Variants in MAST3 observed in about 807,000 individuals in gnomAD.
The protein encoded by MAST3 is microtubule-associated serine/threonine-protein kinase 3.
A neutral mutation model predicts 127.0 loss-of-function variants in MAST3; 43 were observed. That is an observed-to-expected ratio of 0.34 (90% CI 0.27 to 0.44). The LOEUF (loss-of-function observed/expected upper bound fraction) is 0.44, where lower values mean the gene tolerates loss of function less well. Among genes scored for constraint, MAST3 ranks in the 20% least tolerant of loss-of-function variants. The pLI, the probability that MAST3 is intolerant of heterozygous loss-of-function variation, is 1.00. For synonymous variants in MAST3, 785 were observed against 809.2 expected, an observed-to-expected ratio of 0.97 and a Z score of 0.51; for missense variants, 1,390 against 1,919.1, an observed-to-expected ratio of 0.72 and a Z score of 5.15.
intron 1 of MAST3, among the ~76,000 whole-genome samples, chr19:18,103,453 G>A (rs1282250323): frequency 2.0e-5 from 3 of 152,064 alleles, no homozygotes; most frequent in South Asian, 2.1e-4. Flanking sequence ...CAGAAGAATC[G>A]CTTGAACCCA....
At chr19:18,109,611 A>C (rs952491023) in intron 2 of MAST3, among the ~76,000 whole-genome samples, 7 of 151,918 alleles carry the variant, frequency 4.6e-5, no homozygotes, top group African/African-American at 1.7e-4. Flanking sequence ...GAGAGGGAGG[A>C]AGGACAGAGC....
chr19:18,130,070 C>T (rs2041103828), intron 13 of MAST3, among the ~76,000 whole-genome samples: 2 of 151,970 alleles, frequency 1.3e-5, no homozygotes, highest in Non-Finnish European at 2.9e-5. Flanking sequence ...CACAACATAG[C>T]GAGACCCCAT....
At chr19:18,114,614 G>A (rs2039011462) in intron 3 of MAST3, among the ~76,000 whole-genome samples, 1 of 152,196 alleles carries the variant, frequency 6.6e-6, no homozygotes, top group Non-Finnish European at 1.5e-5. Context: ...ACTCAGGGCA[G>A]GCCCAGGGTG....
chr19:18,102,385 G>C (rs1196878116), intron 1 of MAST3, among the ~76,000 whole-genome samples: 1 of 151,060 alleles, frequency 6.6e-6, no homozygotes, highest in Non-Finnish European at 1.5e-5. Context: ...CTCCATGTTG[G>C]TCAGGCTGGT....
In MAST3 at chr19:18,124,250, A is replaced by G; in HGVS notation, c.844-15A>G. The G allele has an allele frequency of 6.3e-7, 1 of 1,598,524 alleles. No homozygotes were observed. Among genetic ancestry groups the G allele is most frequent in the Non-Finnish European group, 8.5e-7 (1 of 1,172,392 alleles). On this transcript the variant is annotated splice_polypyrimidine_tract_variant and intron_variant, in intron 9 of 27. Transcript: ENST00000687212. ...CTGAGGACCTGTGGGTGATGCCACG[A>G]CCCACCTCCCCCAGGCCCATGAGCG...
intron 5 of MAST3, chr19:18,122,207 T>G (rs4808115): frequency 0.14 from 113,353 of 837,084 alleles, 7,931 homozygotes; most frequent in Middle Eastern, 0.19. Context: ...AAGAAATCAT[T>G]CATTCATTCA....
chr19:18,129,672 G>A (rs1404516783), intron 13 of MAST3, among the ~76,000 whole-genome samples: 2 of 152,150 alleles, frequency 1.3e-5, no homozygotes, highest in African/African-American at 4.8e-5. Context: ...GACCAGGTGC[G>A]GAGGCACTTT....
chr19:18,139,690 T>G (rs2042238750), intron 20 of MAST3, among the ~76,000 whole-genome samples: 1 of 152,176 alleles, frequency 6.6e-6, no homozygotes, highest in African/African-American at 2.4e-5. Context: ...CTCAAACTCT[T>G]GACCTCATGA....
chr19:18,119,062 A>T (rs1439329464), intron 3 of MAST3, among the ~76,000 whole-genome samples: 1 of 152,122 alleles, frequency 6.6e-6, no homozygotes, highest in Admixed American at 6.6e-5. Context: ...TGTCCTGGGT[A>T]CCAAGAGAGG....
intron 21 of MAST3, 46 bp from the exon 22 acceptor site, chr19:18,143,717 G>A: frequency 6.2e-7 from 1 of 1,608,298 alleles, no homozygotes; most frequent in Admixed American, 1.7e-5. Flanking sequence ...AGTATCCTGG[G>A]GTGCAGGTGC....
chr19:18,108,207 C>T (rs2038215148), intron 2 of MAST3, among the ~76,000 whole-genome samples: 1 of 151,996 alleles, frequency 6.6e-6, no homozygotes, highest in East Asian at 1.9e-4. Context: ...GCAGGAGATT[C>T]GCTTGAAGTG....
At chr19:18,103,964 C>T (rs570268781) in intron 1 of MAST3, among the ~76,000 whole-genome samples, 1 of 152,068 alleles carries the variant, frequency 6.6e-6, no homozygotes, top group African/African-American at 2.4e-5. Flanking sequence ...GTAATCCCAG[C>T]ACTTTGGGAG....
intron 25 of MAST3, among the ~76,000 whole-genome samples, chr19:18,146,483 G>A (rs2043025429): frequency 6.6e-6 from 1 of 152,080 alleles, no homozygotes. Flanking sequence ...GTGGGCAGCT[G>A]CATGGGTGGT....
intron 11 of MAST3, among the ~76,000 whole-genome samples, chr19:18,127,605 A>C (rs577950520): frequency 3.3e-5 from 5 of 151,836 alleles, no homozygotes; most frequent in African/African-American, 1.2e-4. Flanking sequence ...AATCTCTTCA[A>C]CTCAGGTGGT....
chr19:18,098,681 T>C (rs955530257), intron 1 of MAST3: 1 of 455,330 alleles, frequency 2.2e-6, no homozygotes, highest in Non-Finnish European at 4.4e-6. Flanking sequence ...TTGGCCATTT[T>C]CCTCTGGGAC....
chr19:18,128,643 A>G (rs2040927210), intron 12 of MAST3, among the ~76,000 whole-genome samples, 185 bp downstream of exon 12: 1 of 152,152 alleles, frequency 6.6e-6, no homozygotes. Flanking sequence ...GCAGTGCTGG[A>G]GGGGCACTGG....
intron 1 of MAST3, 111 bp downstream of exon 1, chr19:18,097,942 G>A (rs1472746969): frequency 8.3e-6 from 7 of 846,154 alleles, no homozygotes; most frequent in South Asian, 5.9e-5. Context: ...AACTGAGGCA[G>A]AGGGTGGGGA....
intron 1 of MAST3, among the ~76,000 whole-genome samples, chr19:18,100,887 C>T (rs1313278108): frequency 6.6e-6 from 1 of 152,146 alleles, no homozygotes; most frequent in African/African-American, 2.4e-5. Flanking sequence ...GGGTGCTGAC[C>T]GGCCAATCCA....
At chr19:18,118,709 C>G (rs2039599362) in intron 3 of MAST3, among the ~76,000 whole-genome samples, 1 of 152,180 alleles carries the variant, frequency 6.6e-6, no homozygotes, top group Admixed American at 6.5e-5. Context: ...GCCAAAGCCT[C>G]ACCGCTCTTG....
Sources: allele counts gnomAD v4.1 joint callset (sites outside exome capture counted in the v4.1 genomes callset), GRCh38; gene constraint gnomAD v4.1.1; transcripts MANE v1.5; gene names NCBI Gene and HGNC (gene_info 2026-07-23, HGNC 2026-07-21).